Variants in DNAI3 observed in about 807,000 individuals in gnomAD.
DNAI3 encodes dynein axonemal intermediate chain 3.
In DNAI3, 83 loss-of-function variants were observed where a neutral mutation model predicts 115.5. The ratio of observed to expected loss-of-function variants is 0.72; its 90% CI spans 0.60 to 0.86. The LOEUF (loss-of-function observed/expected upper bound fraction) is 0.86. Among genes scored for constraint, DNAI3 ranks in the 40% least tolerant of loss-of-function variants. DNAI3 has a pLI of 0.00. For synonymous variants in DNAI3, 320 were observed against 347.0 expected, an observed-to-expected ratio of 0.92 and a Z score of 0.86; for missense variants, 1,004 against 1,075.8, an observed-to-expected ratio of 0.93 and a Z score of 0.93.
intron 18 of DNAI3, among the ~76,000 whole-genome samples, chr1:85,122,245 A>C (rs1441103248): frequency 6.6e-6 from 1 of 152,224 alleles, no homozygotes; most frequent in Non-Finnish European, 1.5e-5. Context: ...AAAATGTAAG[A>C]TAATCTAGAA....
chr1:85,086,428 A>G (rs75493115), intron 7 of DNAI3, among the ~76,000 whole-genome samples: 5,421 of 152,202 alleles, frequency 0.036, 191 homozygotes, highest in East Asian at 0.18. Flanking sequence ...TTCATCACTT[A>G]AAAAATACAT....
chr1:85,096,150 C>T, intron 11 of DNAI3, 130 bp downstream of exon 11: 1 of 772,890 alleles, frequency 1.3e-6, no homozygotes, highest in Admixed American at 2.1e-5. Context: ...GTGTGCCAGA[C>T]ACCACACCAG....
chr1:85,063,187 G>A (rs1653988384), intron 1 of DNAI3, among the ~76,000 whole-genome samples: 1 of 152,174 alleles, frequency 6.6e-6, no homozygotes. Flanking sequence ...TGACTGGAAA[G>A]TGTCAGGGAG....
At chr1:85,076,610 G>T (rs1284483267) in intron 3 of DNAI3, among the ~76,000 whole-genome samples, 1 of 152,156 alleles carries the variant, frequency 6.6e-6, no homozygotes, top group Non-Finnish European at 1.5e-5. Context: ...ACGGCAGCAG[G>T]CAAGAGAGCG....
At chr1:85,068,892 A>G (rs147359363) in intron 1 of DNAI3, among the ~76,000 whole-genome samples, 404 of 152,344 alleles carry the variant, frequency 2.7e-3, no homozygotes, top group Non-Finnish European at 4.4e-3. Flanking sequence ...GTTAGGAAGC[A>G]TTATGTAGTT....
Position 85,096,065 on chromosome 1 carries a change from C to T in DNAI3, c.1263+45C>T, listed in dbSNP as rs562319586. 4.5e-6 allele frequency: 7 copies of T among 1,565,984 alleles called. No individual in the cohort carries two copies. In the East Asian group the frequency reaches 1.1e-4, roughly 25 times the overall value. On this transcript the variant is annotated intron_variant, in intron 11 of 22. Transcript: ENST00000294664. ...TCAGCTATGTATTAATGTAGACAAC[C>T]TTTGGTAATAAGTTTTGACTTGGCA...
chr1:85,131,089 C>T (rs1264461544), intron 22 of DNAI3, among the ~76,000 whole-genome samples: 2 of 152,096 alleles, frequency 1.3e-5, no homozygotes, highest in Non-Finnish European at 2.9e-5. Flanking sequence ...CTGTAGGTTC[C>T]GTATAGCCAA....
At chr1:85,065,135 A>G (rs1654054959) in intron 1 of DNAI3, among the ~76,000 whole-genome samples, 1 of 152,178 alleles carries the variant, frequency 6.6e-6, no homozygotes, top group South Asian at 2.1e-4. Flanking sequence ...AGATGAGGTC[A>G]GCTAATTGAA....
intron 1 of DNAI3, among the ~76,000 whole-genome samples, chr1:85,069,920 C>T (rs1458915218): frequency 6.6e-6 from 1 of 152,108 alleles, no homozygotes; most frequent in African/African-American, 2.4e-5. Flanking sequence ...TGCAGAATAT[C>T]TTAAAAATAG....
intron 1 of DNAI3, among the ~76,000 whole-genome samples, chr1:85,068,017 T>C (rs7551469): frequency 0.099 from 15,084 of 152,250 alleles, 993 homozygotes; most frequent in African/African-American, 0.18. Context: ...TAATACAGCA[T>C]GACTATAGAG....
At chr1:85,075,849 G>A (rs373568797) in intron 3 of DNAI3, among the ~76,000 whole-genome samples, 14 of 152,248 alleles carry the variant, frequency 9.2e-5, no homozygotes, top group African/African-American at 2.9e-4. Context: ...TGTGACTCCC[G>A]AATGTTAAAT....
At chr1:85,064,795 G>A (rs1355381356) in intron 1 of DNAI3, among the ~76,000 whole-genome samples, 1 of 152,114 alleles carries the variant, frequency 6.6e-6, no homozygotes, top group East Asian at 1.9e-4. Context: ...CACTTTGGGA[G>A]GCCGAGGCAG....
chr1:85,093,789 T>A (rs755475011), intron 9 of DNAI3, 141 bp downstream of exon 9: 1 of 947,054 alleles, frequency 1.1e-6, no homozygotes, highest in South Asian at 1.4e-5. Context: ...TGCCATGTGC[T>A]TTCCACGCCC....
At chr1:85,066,962 GT>G (rs1353857665) in intron 1 of DNAI3, among the ~76,000 whole-genome samples, 1 of 152,020 alleles carries the variant, frequency 6.6e-6, no homozygotes, top group Non-Finnish European at 1.5e-5. Flanking sequence ...TATTCATTTG[GT>G]TTCGATACCC....
At chr1:85,117,589 A>T in intron 16 of DNAI3, 140 bp from the exon 17 acceptor site, 1 of 1,153,272 alleles carries the variant, frequency 8.7e-7, no homozygotes, top group Non-Finnish European at 1.2e-6. Flanking sequence ...AAATCTAAAA[A>T]TGCTTGGACT....
chr1:85,086,254 A>T (rs1402783854), intron 7 of DNAI3, among the ~76,000 whole-genome samples: 1 of 152,196 alleles, frequency 6.6e-6, no homozygotes, highest in Non-Finnish European at 1.5e-5. Context: ...GATTGTAAAG[A>T]CTGGAGTGGG....
chr1:85,118,010 C>A, intron 17 of DNAI3, 151 bp downstream of exon 17: 1 of 926,764 alleles, frequency 1.1e-6, no homozygotes, highest in Admixed American at 2.9e-5. Flanking sequence ...ACATTTTTAA[C>A]TCTGATACCT....
intron 11 of DNAI3, 137 bp downstream of exon 11, chr1:85,096,157 C>T: frequency 2.7e-6 from 2 of 736,120 alleles, no homozygotes; most frequent in Non-Finnish European, 2.3e-6. Context: ...AGACACCACA[C>T]CAGGAAGCAG....
At position 85,113,862 on chromosome 1, in the gene DNAI3, A is replaced by T. The variant is rs77216717; in HGVS notation, c.1786+3727A>T. ...TTTATTTAGGTCGTTAATTTCTCAG[A>T]TATGTTTTGTATTTTACAGTGTACA... On this transcript the variant is annotated intron_variant, in intron 16 of 22. Transcript: ENST00000294664. Among the ~76,000 whole-genome samples, 529 of 152,202 alleles carry T rather than the reference A, an allele frequency of 3.5e-3. 1 individual carries two copies. Among genetic ancestry groups the T allele is most frequent in the African/African-American group, 0.012 (483 of 41,528 alleles).
Sources: allele counts gnomAD v4.1 joint callset (sites outside exome capture counted in the v4.1 genomes callset), GRCh38; gene constraint gnomAD v4.1.1; transcripts MANE v1.5; gene names NCBI Gene and HGNC (gene_info 2026-07-23, HGNC 2026-07-21).